Variants in TASP1 observed in about 807,000 individuals in gnomAD.
TASP1 encodes the protein threonine aspartase 1.
TASP1 carries 16 observed loss-of-function variants against 56.6 expected under a neutral mutation model. The observed-to-expected ratio is 0.28, with a 90% CI of 0.19 to 0.43. The LOEUF is 0.43. Ranked by LOEUF, TASP1 falls within the 20% of genes least tolerant of loss-of-function variation. TASP1 has a pLI of 1.00. For missense variants in TASP1, 393 were observed against 511.6 expected, an observed-to-expected ratio of 0.77 and a Z score of 2.24; for synonymous variants, 179 against 184.2, an observed-to-expected ratio of 0.97 and a Z score of 0.23.
At chr20:13,295,541 A>G in the TASP1 span, among the ~76,000 whole-genome samples, 1 of 152,134 alleles carries the variant, frequency 6.6e-6, no homozygotes, top group African/African-American at 2.4e-5. Context: ...TCCCCCATCG[A>G]TGCTATTGCA....
the TASP1 span, among the ~76,000 whole-genome samples, chr20:13,224,990 C>T: frequency 2.6e-5 from 4 of 151,158 alleles, no homozygotes; most frequent in East Asian, 1.9e-4. Context: ...GGACTACAGG[C>T]GCCTGCCACC....
the TASP1 span, among the ~76,000 whole-genome samples, chr20:13,127,833 C>T: frequency 6.6e-6 from 1 of 152,158 alleles, no homozygotes; most frequent in African/African-American, 2.4e-5. Context: ...GGATCCCTTC[C>T]AGGCTTGCCT....
intron 13 of TASP1, among the ~76,000 whole-genome samples, chr20:13,408,466 C>T (rs6033693): frequency 0.1 from 15,803 of 152,034 alleles, 1,618 homozygotes; most frequent in African/African-American, 0.27. Context: ...TGTAGTTTTC[C>T]TTCCTTGTAA....
At chr20:13,436,858 A>G (rs1266449857) in intron 11 of TASP1, among the ~76,000 whole-genome samples, 1 of 152,148 alleles carries the variant, frequency 6.6e-6, no homozygotes, top group Non-Finnish European at 1.5e-5. Context: ...TCATACACTA[A>G]AGGTTTTTAG....
At chr20:13,378,830 C>A in the TASP1 span, among the ~76,000 whole-genome samples, 2 of 152,062 alleles carry the variant, frequency 1.3e-5, no homozygotes, top group African/African-American at 4.8e-5. Context: ...TTATGTAATG[C>A]CTTTCTTTGT....
intron 4 of TASP1, among the ~76,000 whole-genome samples, chr20:13,589,136 C>A (rs377344498): frequency 6.7e-6 from 1 of 148,462 alleles, no homozygotes; most frequent in South Asian, 2.2e-4. Context: ...CGGCTCACTG[C>A]GAGCTCTGCC....
chr20:13,245,352 CA>C, the TASP1 span: 6 of 152,204 alleles, frequency 3.9e-5, no homozygotes, highest in Non-Finnish European at 5.9e-5. Flanking sequence ...CAGAATTTAT[CA>C]GAGCAGGTAA....
At chr20:13,634,559 G>A (rs532282789) in intron 1 of TASP1, among the ~76,000 whole-genome samples, 10 of 152,182 alleles carry the variant, frequency 6.6e-5, no homozygotes, top group South Asian at 4.1e-4. Flanking sequence ...GCGAAATCCC[G>A]TCTCTACTAA....
chr20:13,510,082 A>C (rs2044272398), intron 10 of TASP1, among the ~76,000 whole-genome samples: 2 of 152,180 alleles, frequency 1.3e-5, no homozygotes, highest in African/African-American at 4.8e-5. Context: ...ACCTAAAATG[A>C]AAGTTAATAA....
chr20:13,309,058 T>C, the TASP1 span, among the ~76,000 whole-genome samples: 1 of 152,212 alleles, frequency 6.6e-6, no homozygotes, highest in East Asian at 1.9e-4. Context: ...TAGTTTGTTG[T>C]ATCAGCCTGA....
At chr20:13,367,316 G>T in the TASP1 span, among the ~76,000 whole-genome samples, 74 of 152,138 alleles carry the variant, frequency 4.9e-4, no homozygotes, top group Admixed American at 1.6e-3. Context: ...TAAACAAAAT[G>T]TATTAGTCTT....
At chr20:13,615,502 GTT>G (rs756677945) in intron 4 of TASP1, among the ~76,000 whole-genome samples, 9 of 132,208 alleles carry the variant, frequency 6.8e-5, no homozygotes, top group Admixed American at 2.4e-4. Context: ...TGAGAATCTG[GTT>G]TTTTTTTTTT....
chr20:13,348,809 C>T, the TASP1 span, among the ~76,000 whole-genome samples: 1 of 152,160 alleles, frequency 6.6e-6, no homozygotes, highest in East Asian at 1.9e-4. Context: ...CATACGTAAG[C>T]TAAGGCAGCC....
the TASP1 span, among the ~76,000 whole-genome samples, chr20:13,125,394 A>G: frequency 9.0e-4 from 137 of 152,220 alleles, no homozygotes; most frequent in Non-Finnish European, 1.3e-3. Flanking sequence ...TGGTCCTAAT[A>G]TTCTGGTTTA....
the TASP1 span, among the ~76,000 whole-genome samples, chr20:13,267,515 G>A: frequency 6.6e-6 from 1 of 152,152 alleles, no homozygotes; most frequent in Non-Finnish European, 1.5e-5. Context: ...TGCGGGGAGG[G>A]TACAGGGCTC....
intron 13 of TASP1, among the ~76,000 whole-genome samples, chr20:13,406,661 G>GTTT (rs201624204): frequency 7.7e-6 from 1 of 129,436 alleles, no homozygotes; most frequent in African/African-American, 3.1e-5. Context: ...TATTTTGAGG[G>GTTT]TTTTTTCTTT....
At chr20:13,117,569 CCT>C in the TASP1 span, 15 of 1,613,812 alleles carry the variant, frequency 9.3e-6, no homozygotes, top group Non-Finnish European at 5.1e-6. Flanking sequence ...ACAAGGCTTA[CCT>C]CTACATAGAT....
At chr20:13,510,906 T>C (rs1601061138) in intron 10 of TASP1, among the ~76,000 whole-genome samples, 1 of 152,278 alleles carries the variant, frequency 6.6e-6, no homozygotes, top group South Asian at 2.1e-4. Context: ...ATGGCAAGTG[T>C]CAAGTTTAGT....
the TASP1 span, among the ~76,000 whole-genome samples, chr20:13,364,408 G>T: frequency 6.6e-6 from 1 of 152,182 alleles, no homozygotes; most frequent in Non-Finnish European, 1.5e-5. Flanking sequence ...GGAAGGGGAG[G>T]TAATTCCTTA....
Sources: allele counts gnomAD v4.1 joint callset (sites outside exome capture counted in the v4.1 genomes callset), GRCh38; gene constraint gnomAD v4.1.1; transcripts MANE v1.5; gene names NCBI Gene and HGNC (gene_info 2026-07-23, HGNC 2026-07-21).